CHD4: variants seen among roughly 807,000 people sequenced by gnomAD.
CHD4 encodes ATP-dependent chromatin remodeler CHD4.
CHD4 carries 35 observed loss-of-function variants against 235.5 expected under a neutral mutation model. The ratio of observed to expected loss-of-function variants is 0.15; its 90% CI spans 0.11 to 0.20. CHD4 has a LOEUF of 0.20. CHD4 is among the 10% of genes least tolerant of loss of function. The pLI is 1.00. For synonymous variants in CHD4, 900 were observed against 850.2 expected, an observed-to-expected ratio of 1.06 and a Z score of -1.02; for missense variants, 1,329 against 2,432.3, an observed-to-expected ratio of 0.55 and a Z score of 9.54.
At chr12:6,579,074 G>A (rs564984264) in intron 33 of CHD4, 157 bp from the exon 34 acceptor site, 4 of 616,498 alleles carry the variant, frequency 6.5e-6, no homozygotes, top group Non-Finnish European at 1.2e-5. Flanking sequence ...CAGCATCTTG[G>A]GAGACAGCAG....
intron 33 of CHD4, chr12:6,580,706 A>AAAAAAAAAAAAAAAAC: frequency 7.2e-6 from 1 of 139,432 alleles, no homozygotes; most frequent in Non-Finnish European, 1.4e-5. Context: ...ACTCCTTTGA[A>AAAAAAAAAAAAAAAAC]AAAAAAAAAA....
intron 31 of CHD4, 104 bp downstream of exon 31, chr12:6,581,545 G>A: frequency 1.3e-6 from 2 of 1,563,272 alleles, no homozygotes; most frequent in Non-Finnish European, 1.8e-6. Flanking sequence ...GGGAATTGCT[G>A]TGTGTCCTGC....
At chr12:6,579,047 G>T (rs1592262001) in intron 33 of CHD4, 130 bp from the exon 34 acceptor site, 7 of 773,564 alleles carry the variant, frequency 9.0e-6, no homozygotes, top group Non-Finnish European at 1.5e-5. Flanking sequence ...GGGCATGGTG[G>T]CTCATGCCTG....
intron 35 of CHD4, 88 bp downstream of exon 35, chr12:6,578,321 A>C: frequency 1.3e-6 from 2 of 1,484,808 alleles, no homozygotes; most frequent in Non-Finnish European, 1.8e-6. Flanking sequence ...AGAGGTAAAG[A>C]GGTAAAGTCC....
At chr12:6,602,198 G>C (rs1444760238) in intron 3 of CHD4, 23 bp from the exon 4 acceptor site, 2 of 1,612,452 alleles carry the variant, frequency 1.2e-6, no homozygotes, top group Non-Finnish European at 1.7e-6. Context: ...AAGGGGGGAA[G>C]AGGGAGACAG....
rs1184753460 is a variant in CHD4, at chr12:6,593,635, G to A, written c.2314-19C>T. 6.2e-7 allele frequency: 1 copy of A among 1,612,280 alleles called. No homozygotes were observed. The highest frequency in any genetic ancestry group is 1.7e-5 in the Admixed American group (1 of 59,952). ...AATGACCCTTTGAGAAAAAAGAGGA[G>A]AGTCAGGACTGAGGGCCCCAGCACA... On this transcript the variant is annotated intron_variant, in intron 15 of 39. Coordinates refer to ENST00000544040, the MANE Select transcript of CHD4 (RefSeq NM_001273.5). This position sits in a 1 kb window ranked among gnomAD's most constrained non-coding sequence, Gnocchi z 4.9.
intron 38 of CHD4, 24 bp downstream of exon 38, chr12:6,573,050 G>C (rs1158994305): frequency 6.3e-7 from 1 of 1,583,322 alleles, no homozygotes; most frequent in Non-Finnish European, 8.5e-7. Flanking sequence ...CGAATCGGCA[G>C]GAGGCAGGGG....
chr12:6,596,188 C>T (rs1346013071), intron 12 of CHD4, 51 bp from the exon 13 acceptor site: 1 of 1,602,456 alleles, frequency 6.2e-7, no homozygotes, highest in South Asian at 1.1e-5. Flanking sequence ...CAACCCTCCT[C>T]ACTTCCTCTC....
In CHD4 at chr12:6,600,948, C is replaced by G; in HGVS notation, c.905G>C (p.Gly302Ala). The G allele has an allele frequency of 6.2e-7, 1 of 1,603,326 alleles. No homozygotes were observed. ...APLKIKLGGF[G>A]SKRKRSSSED... is the part of the protein sequence containing the mutation. ...CACCGAGGATCTCTTACGCTTGGAACCAAAACCTCCCAGCTTGATTTTCAG... is the reference window on the plus strand; with the variant it reads ...CACCGAGGATCTCTTACGCTTGGAAGCAAAACCTCCCAGCTTGATTTTCAG... Residue 302 changes from glycine to alanine, a missense_variant, in exon 7 of 40, where the codon GGT (glycine) becomes GCT (alanine). This residue lies in a region of CHD4 where 160 missense variants were observed against 196.6 expected (regional missense o/e 0.81). Transcript: ENST00000544040.
chr12:6,588,628 A>G (rs993416101), intron 22 of CHD4, among the ~76,000 whole-genome samples: 7 of 152,106 alleles, frequency 4.6e-5, no homozygotes, highest in Admixed American at 2.6e-4. Flanking sequence ...AAATACAAAA[A>G]TTAGCCAGGC....
intron 8 of CHD4, 53 bp from the exon 9 acceptor site, chr12:6,600,448 A>ACCCCCC: frequency 1.5e-6 from 1 of 687,654 alleles, no homozygotes; most frequent in Non-Finnish European, 2.2e-6. Context: ...ACCTCCCCCC[A>ACCCCCC]CCCCCCGACC....
Position 6,606,387 on chromosome 12 carries a change from C to G in CHD4, c.-14G>C, listed in dbSNP as rs71584861. On this transcript the variant is annotated 5_prime_UTR_variant, in exon 2 of 40. Transcript: ENST00000544040. ...GCCCGACGCCATCCCCTTCCGCTCC[C>G]GGCCAGGGAATTGGCCCAGCTGCTC... The G allele has an allele frequency of 4.3e-4, 678 of 1,561,482 alleles. 1 individual carries two copies. Among genetic ancestry groups the G allele is most frequent in the Admixed American group, 5.5e-4 (28 of 51,310 alleles).
Position 6,570,412 on chromosome 12 carries a change from G to C in CHD4, c.*264C>G. 2 of 531,606 alleles carry C rather than the reference G, an allele frequency of 3.8e-6. No individual in the cohort carries two copies. The highest frequency in any genetic ancestry group is 6.1e-5 in the East Asian group (2 of 32,872). The allele number at this position is 531,606 out of a possible 1,614,324, so 32.9% of individuals were successfully genotyped here. A position where few individuals can be genotyped will look rare whatever the true frequency, so the allele number is the denominator to read the frequency against. On this transcript the variant is annotated 3_prime_UTR_variant, in exon 40 of 40. Transcript: ENST00000544040. ...CAGTTTGTGTGTAACAGGCGTTACA[G>C]TGGGGAGAAGCCAGGGTCCAGAAGG...
At chr12:6,588,702 T>C (rs1276045038) in intron 22 of CHD4, among the ~76,000 whole-genome samples, 1 of 149,048 alleles carries the variant, frequency 6.7e-6, no homozygotes, top group Admixed American at 6.7e-5. Context: ...CGCTTGAACC[T>C]GGTAGGCAGA....
At chr12:6,586,415 AATACATAC>A (rs1179367468) in intron 25 of CHD4, among the ~76,000 whole-genome samples, 3 of 151,676 alleles carry the variant, frequency 2.0e-5, no homozygotes, top group African/African-American at 4.8e-5. Flanking sequence ...TAAATAAATA[AATACATAC>A]ATACATACAT....
chr12:6,580,863 TG>T, intron 33 of CHD4, 180 bp downstream of exon 33: 1 of 643,930 alleles, frequency 1.6e-6, no homozygotes, highest in Non-Finnish European at 2.7e-6. Flanking sequence ...AAAAATTAGC[TG>T]GGCATGATGG....
chr12:6,595,243 G>C, intron 14 of CHD4, 91 bp downstream of exon 14: 1 of 1,087,520 alleles, frequency 9.2e-7, no homozygotes, highest in South Asian at 1.4e-5. Context: ...GTTACTATCT[G>C]CATTTCATTA....
Position 6,598,415 on chromosome 12 carries a change from A to G in CHD4, c.1493T>C (p.Leu498Pro). ...WLCPRCTCPA[L>P]KGKVQKILIW... Reference sequence around the variant, plus strand: ...TAGGATCTTCTGCACTTTGCCCTTCAGAGCTGGACACTGAGAGAAAAAGAG... The same window carrying G: ...TAGGATCTTCTGCACTTTGCCCTTCGGAGCTGGACACTGAGAGAAAAAGAG... The change falls in exon 11 of 40, where the codon CTG (leucine) becomes CCG (proline). Residue 498 changes from leucine to proline, a missense_variant. Around this residue, in one of 26 missense-constraint regions of CHD4, gnomAD observed 33 missense variants for 84.2 expected, o/e 0.39. Coordinates refer to ENST00000544040, the MANE Select transcript of CHD4 (RefSeq NM_001273.5). 1 of 1,598,298 alleles carries G rather than the reference A, an allele frequency of 6.3e-7. No homozygotes were observed. The highest frequency in any genetic ancestry group is 8.5e-7 in the Non-Finnish European group (1 of 1,171,300).
chr12:6,602,594 T>G (rs1053950666), intron 2 of CHD4, 97 bp from the exon 3 acceptor site: 2 of 1,451,758 alleles, frequency 1.4e-6, no homozygotes, highest in Non-Finnish European at 1.9e-6. Context: ...CCCCACCTCT[T>G]GTCCCAGATT....
Sources: gnomAD v4.1 joint callset for allele counts (sites outside exome capture counted in the v4.1 genomes callset) on GRCh38, gnomAD v4.1.1 for gene constraint, gnomAD v4.1.1 regional missense constraint, Gnocchi (gnomAD v3.1) non-coding constraint, MANE v1.5 for transcripts, NCBI Gene and HGNC (gene_info 2026-07-23, HGNC 2026-07-21) for gene names.